The following CACNA1A variants were observed in gnomAD, a reference collection of about 807,000 sequenced individuals.
CACNA1A encodes calcium voltage-gated channel subunit alpha1 A.
In CACNA1A, 57 loss-of-function variants were observed where a neutral mutation model predicts 262.4. That is an observed-to-expected ratio of 0.22 (90% CI 0.18 to 0.27). CACNA1A has a LOEUF of 0.27. Ranked by LOEUF, CACNA1A falls within the 10% of genes least tolerant of loss-of-function variation. The pLI is 1.00. For synonymous variants in CACNA1A, 1,431 were observed against 1,419.3 expected (o/e 1.01, Z -0.18); for missense variants, 2,526 against 3,562.8 (o/e 0.71, Z 7.41).
Position 13,252,985 on chromosome 19 carries a change from A to G in CACNA1A, c.4866+6T>C. 2 of 1,586,338 alleles carry G rather than the reference A, an allele frequency of 1.3e-6. No individual in the cohort carries two copies. The highest frequency in any genetic ancestry group is 8.7e-7 in the Non-Finnish European group (1 of 1,154,868). On this transcript the variant is annotated splice_donor_region_variant and intron_variant, in intron 30 of 46. Transcript: ENST00000360228. ...CCCATAGCTGTAGCCCCAAGGTGGT[A>G]CTTACCAGAATCCCAAAAGCCATGA...
At chr19:13,234,783 C>T (rs898286729) in intron 34 of CACNA1A, 138 bp downstream of exon 34, 42 of 644,394 alleles carry the variant, frequency 6.5e-5, no homozygotes, top group South Asian at 5.3e-4. Context: ...AGGGTGAGGG[C>T]GCGCCCCTGC....
At chr19:13,270,516 A>C (rs1330954737) in intron 24 of CACNA1A, among the ~76,000 whole-genome samples, 1 of 152,190 alleles carries the variant, frequency 6.6e-6, no homozygotes, top group African/African-American at 2.4e-5. Context: ...GACAATAAGC[A>C]AAGTCCTCAT....
chr19:13,253,508 C>T (rs1329714898), intron 29 of CACNA1A, among the ~76,000 whole-genome samples: 85 of 132,222 alleles, frequency 6.4e-4, no homozygotes, highest in African/African-American at 2.3e-3. Context: ...TGCAGTGGCG[C>T]GATCTCGGCT....
chr19:13,277,090 A>G lies in CACNA1A; in HGVS notation c.3861T>C (p.Phe1287=), dbSNP rs16030. The change falls in exon 23 of 47, where the codon TTT becomes TTC. Residue 1287 remains phenylalanine, a synonymous_variant. Transcript: ENST00000360228. ...TCACCTTGATCACCATCTCAAAGGTAAAGACGCCTGTAAAAACGTAGTCAA... is the reference window on the plus strand; with the variant it reads ...TCACCTTGATCACCATCTCAAAGGTGAAGACGCCTGTAAAAACGTAGTCAA... ...RYFDYVFTGV[F]TFEMVIKMID... is the part of the protein sequence containing the mutation. 0.21 allele frequency: 341,396 copies of G among 1,608,954 alleles called. 37,769 individuals are homozygous for G. The highest frequency in any genetic ancestry group is 0.23 in the South Asian group (20,502 of 90,914).
rs577495414 is a variant in CACNA1A at position 13,230,972 on chromosome 19, T to C, written c.5400+738A>G. Among the ~76,000 whole-genome samples the C allele has an allele frequency of 1.3e-4, 20 of 151,508 alleles. No homozygotes were observed. The South Asian group carries it at 4.2e-3, about 32-fold the overall frequency. On this transcript the variant is annotated intron_variant, in intron 35 of 46. Coordinates refer to ENST00000360228, the MANE Select transcript of CACNA1A (RefSeq NM_001127222.2). ...CCCCAACAAGGCCAAAGTGAGGTATTTCTTCCCTCGCAATGTTTTTTTTTT... is the reference window on the plus strand; with the variant it reads ...CCCCAACAAGGCCAAAGTGAGGTATCTCTTCCCTCGCAATGTTTTTTTTTT...
chr19:13,484,912 T>C (rs1164808575), intron 1 of CACNA1A, among the ~76,000 whole-genome samples: 1 of 152,238 alleles, frequency 6.6e-6, no homozygotes, highest in Non-Finnish European at 1.5e-5. Context: ...TTGCAAGGCC[T>C]ATAACATTTT....
intron 38 of CACNA1A, among the ~76,000 whole-genome samples, chr19:13,219,804 T>A (rs1303672725): frequency 6.6e-6 from 1 of 151,320 alleles, no homozygotes; most frequent in African/African-American, 2.4e-5. Context: ...ATACAAAAAA[T>A]TATCCGGGCG....
chr19:13,480,830 C>T (rs1979201721), intron 1 of CACNA1A, among the ~76,000 whole-genome samples: 2 of 152,136 alleles, frequency 1.3e-5, no homozygotes, highest in South Asian at 2.1e-4. Flanking sequence ...AAATAACATG[C>T]TGAGTTCTTA....
chr19:13,359,885 G>T, intron 5 of CACNA1A, 86 bp from the exon 6 acceptor site: 1 of 855,610 alleles, frequency 1.2e-6, no homozygotes, highest in Non-Finnish European at 1.7e-6. Flanking sequence ...CTATAATGCT[G>T]TTGGAACGAA....
At chr19:13,262,695 C>A in intron 25 of CACNA1A, 39 bp downstream of exon 25, 1 of 1,274,242 alleles carries the variant, frequency 7.8e-7, no homozygotes. Flanking sequence ...ATAACCCTGA[C>A]AGTCCCCCCC....
At chr19:13,254,130 A>C (rs1199466526) in intron 29 of CACNA1A, among the ~76,000 whole-genome samples, 1 of 152,142 alleles carries the variant, frequency 6.6e-6, no homozygotes, top group Non-Finnish European at 1.5e-5. Flanking sequence ...GAGGGGGCAA[A>C]TGTGCTCTTA....
At position 13,207,328 on chromosome 19, in the gene CACNA1A, G is replaced by A. The variant is rs1269668562; in HGVS notation, c.7506C>T (p.Asp2502=). The A allele has an allele frequency of 1.3e-6, 2 of 1,560,432 alleles. No individual in the cohort carries two copies. Among genetic ancestry groups the A allele is most frequent in the African/African-American group, 1.4e-5 (1 of 73,132 alleles). ...TCGCCCGGGCTTAGCACCAATCATCGTCACTCTCGCTGTAGGGTTCGTGCA... is the reference window on the plus strand; with the variant it reads ...TCGCCCGGGCTTAGCACCAATCATCATCACTCTCGCTGTAGGGTTCGTGCA... ...KGLHEPYSES[D]DDWC is the part of the protein sequence containing the mutation. Residue 2502 remains aspartate, a synonymous_variant, in exon 47 of 47, where the codon GAC becomes GAT. Transcript: ENST00000360228. This position sits in a 1 kb window ranked among gnomAD's most constrained non-coding sequence, Gnocchi z 5.7.
chr19:13,371,435 G>A (rs548563940), intron 4 of CACNA1A: 36 of 479,818 alleles, frequency 7.5e-5, no homozygotes, highest in Middle Eastern at 5.7e-4. Context: ...GAGATCACAC[G>A]TGGTGCTTAG....
At chr19:13,335,736 T>C (rs1451012481) in intron 7 of CACNA1A, 70 bp downstream of exon 7, 5 of 983,414 alleles carry the variant, frequency 5.1e-6, no homozygotes, top group Non-Finnish European at 6.4e-6. Flanking sequence ...AAAGCTTCAA[T>C]GGCCTCTACT....
chr19:13,419,411 C>T (rs1408412214), intron 3 of CACNA1A, among the ~76,000 whole-genome samples: 1 of 152,212 alleles, frequency 6.6e-6, no homozygotes, highest in Non-Finnish European at 1.5e-5. Flanking sequence ...AACAGTGGCT[C>T]ATATCTGTAA....
At chr19:13,274,110 G>C (rs528005244) in intron 24 of CACNA1A, 1 of 152,104 alleles carries the variant, frequency 6.6e-6, no homozygotes, top group East Asian at 1.9e-4. Context: ...AGGGAGAGGA[G>C]AAGAGAAAAA....
chr19:13,384,029 G>T (rs753346737), intron 3 of CACNA1A, among the ~76,000 whole-genome samples: 7 of 152,132 alleles, frequency 4.6e-5, no homozygotes, highest in Non-Finnish European at 8.8e-5. Context: ...CGTTTCCCAA[G>T]GTGGTCTCAA....
rs563717783 is a variant in CACNA1A at position 13,293,489 on chromosome 19, C to T, written c.3089+5055G>A. ...GAGATGGAGTCTCGCTCTGTCTCCC[C>T]GGCTGGAGTGCAGTGGTGCGATCTC... On this transcript the variant is annotated intron_variant, in intron 19 of 46. Coordinates refer to ENST00000360228, the MANE Select transcript of CACNA1A (RefSeq NM_001127222.2). Among the ~76,000 whole-genome samples, 144 of 140,800 alleles carry T rather than the reference C, an allele frequency of 1.0e-3. 1 individual carries two copies. Among genetic ancestry groups the T allele is most frequent in the Non-Finnish European group, 1.3e-3 (86 of 65,776 alleles). The allele number at this position is 140,800 out of a possible 152,430, so 92.4% of individuals were successfully genotyped here.
chr19:13,232,175 T>C lies in CACNA1A; in HGVS notation c.5250-315A>G, dbSNP rs570712864. ...TCTTTTCTTTTCCTTCTCTCTCTCT[T>C]TCTTTTCCTTTCTTTTCTCTCTCTC... On this transcript the variant is annotated intron_variant, in intron 34 of 46. Transcript: ENST00000360228. Among the ~76,000 whole-genome samples, 37 of 151,926 alleles carry C rather than the reference T, an allele frequency of 2.4e-4. 1 individual carries two copies. Among genetic ancestry groups the C allele is most frequent in the Middle Eastern group, 6.8e-3 (2 of 292 alleles).
Sources: gnomAD v4.1 joint callset for allele counts (sites outside exome capture counted in the v4.1 genomes callset) on GRCh38, gnomAD v4.1.1 for gene constraint, Gnocchi (gnomAD v3.1) non-coding constraint, MANE v1.5 for transcripts, NCBI Gene and HGNC (gene_info 2026-07-23, HGNC 2026-07-21) for gene names.